Variants in ERO1A observed in about 807,000 individuals in gnomAD.
The protein encoded by ERO1A is endoplasmic reticulum oxidoreductase 1 alpha.
ERO1A carries 49 observed loss-of-function variants against 76.9 expected under a neutral mutation model. That is an observed-to-expected ratio of 0.64 (90% CI 0.51 to 0.81). ERO1A has a LOEUF of 0.81. ERO1A is among the 30% of genes least tolerant of loss of function. The probability of loss-of-function intolerance (pLI) is 0.00; values close to 1 mark genes in which losing one functional copy is unlikely to be tolerated. For synonymous variants in ERO1A, 174 were observed against 181.2 expected (o/e 0.96, Z 0.32); for missense variants, 448 against 542.1 (o/e 0.83, Z 1.72).
rs2040155173 is a variant in ERO1A at position 52,659,363 on chromosome 14, G to A, written c.689-1213C>T. Among the ~76,000 whole-genome samples, 3 of 152,124 alleles carry A rather than the reference G, an allele frequency of 2.0e-5. No individual in the cohort carries two copies. The South Asian group carries it at 6.2e-4, about 31-fold the overall frequency. On this transcript the variant is annotated intron_variant, in intron 9 of 15. Transcript: ENST00000395686. Reference sequence around the variant, plus strand: ...TAAAAATATGATCATCTTTAATGCTGACAAGTGTTGGACAAAACTACTTAT... The same window carrying A: ...TAAAAATATGATCATCTTTAATGCTAACAAGTGTTGGACAAAACTACTTAT...
chr14:52,643,064 A>C lies in ERO1A; in HGVS notation c.*506T>G, dbSNP rs1566632531. 1 of 152,232 alleles carries C rather than the reference A, an allele frequency of 6.6e-6. No individual in the cohort carries two copies. 9.4% of individuals were successfully genotyped at this position (152,232 alleles called of 1,614,324 possible). ...AAATATTCCATGTAAAATATTAAAA[A>C]ACTAATTGTTTATCTGAAATTCAAA... is the stretch of plus-strand genomic sequence containing the variant. On this transcript the variant is annotated 3_prime_UTR_variant, in exon 16 of 16. Coordinates refer to ENST00000395686, the MANE Select transcript of ERO1A (RefSeq NM_014584.3).
intron 4 of ERO1A, among the ~76,000 whole-genome samples, chr14:52,676,350 C>T (rs1040975277): frequency 6.6e-6 from 1 of 152,248 alleles, no homozygotes; most frequent in Non-Finnish European, 1.5e-5. Context: ...TAGGATTGCT[C>T]GGTTTCTATT....
intron 13 of ERO1A, 44 bp downstream of exon 13, chr14:52,652,195 G>C (rs749973915): frequency 8.7e-7 from 1 of 1,151,178 alleles, no homozygotes; most frequent in Non-Finnish European, 1.3e-6. Flanking sequence ...ATCTGCATAA[G>C]TGTTAATCAG....
Position 52,661,320 on chromosome 14 carries a change from A to G in ERO1A, c.677-16T>C. 7.1e-7 allele frequency: 1 copy of G among 1,401,520 alleles called. No homozygotes were observed. Among genetic ancestry groups the G allele is most frequent in the Non-Finnish European group, 9.5e-7 (1 of 1,052,286 alleles). The allele number at this position is 1,401,520 out of a possible 1,614,324, so 86.8% of individuals were successfully genotyped here. On this transcript the variant is annotated splice_polypyrimidine_tract_variant and intron_variant, in intron 8 of 15. Coordinates refer to ENST00000395686, the MANE Select transcript of ERO1A (RefSeq NM_014584.3). ...TCACTTGTCCCTGAAAAGCAAAACA[A>G]AATGTTTATTAAAATAAATTCCTTC...
At chr14:52,690,704 A>AG (rs1442343637) in intron 1 of ERO1A, among the ~76,000 whole-genome samples, 2 of 152,242 alleles carry the variant, frequency 1.3e-5, no homozygotes, top group Non-Finnish European at 2.9e-5. Flanking sequence ...CTGTCTCAAA[A>AG]GAAAAAAAAA....
chr14:52,647,662 T>C (rs28738689), intron 13 of ERO1A, among the ~76,000 whole-genome samples: 1,681 of 152,246 alleles, frequency 0.011, 35 homozygotes, highest in African/African-American at 0.038. Context: ...GTATATGTCC[T>C]TAAGGAATAT....
intron 6 of ERO1A, 54 bp downstream of exon 6, chr14:52,671,576 T>A (rs2040598743): frequency 7.5e-7 from 1 of 1,335,298 alleles, no homozygotes; most frequent in Non-Finnish European, 1.0e-6. Flanking sequence ...TTAAAAACTT[T>A]TTTTTTCTTA....
Position 52,646,373 on chromosome 14 carries a change from A to AC in ERO1A, c.1212+1dup. On this transcript the variant is annotated splice_donor_variant, in intron 14 of 15. Transcript: ENST00000395686. LOFTEE classifies it high-confidence loss of function. ...GAAATAGGAATGACTAAATTTGCTTACCTGAAGCTTTCCCCACAGACGACA... is the reference window on the plus strand; with the variant it reads ...GAAATAGGAATGACTAAATTTGCTTACCCTGAAGCTTTCCCCACAGACGACA... 1 of 1,610,028 alleles carries AC rather than the reference A, an allele frequency of 6.2e-7. No individual in the cohort carries two copies.
intron 6 of ERO1A, among the ~76,000 whole-genome samples, chr14:52,667,231 C>T (rs956319223): frequency 2.0e-5 from 3 of 152,052 alleles, no homozygotes; most frequent in Non-Finnish European, 4.4e-5. Context: ...CCAATCTGGC[C>T]AAAAGCAAAA....
intron 4 of ERO1A, among the ~76,000 whole-genome samples, chr14:52,672,703 G>A (rs2040643972): frequency 6.8e-6 from 1 of 147,918 alleles, no homozygotes; most frequent in Non-Finnish European, 1.5e-5. Flanking sequence ...CCAGGAGTTC[G>A]AGGTTACAGT....
intron 12 of ERO1A, among the ~76,000 whole-genome samples, 157 bp from the exon 13 acceptor site, chr14:52,652,465 A>C (rs1045881039): frequency 2.0e-5 from 3 of 152,120 alleles, no homozygotes; most frequent in Admixed American, 2.0e-4. Flanking sequence ...TCAAACCTCA[A>C]ATCTTGATTC....
At chr14:52,682,006 G>A (rs553746548) in intron 3 of ERO1A, among the ~76,000 whole-genome samples, 17 of 152,108 alleles carry the variant, frequency 1.1e-4, no homozygotes, top group Non-Finnish European at 2.1e-4. Flanking sequence ...TTCAAAATAG[G>A]TTTTATAAGT....
rs953238190 is a variant in ERO1A at position 52,692,797 on chromosome 14, T to A, written c.114+2571A>T. Among the ~76,000 whole-genome samples the A allele has an allele frequency of 3.9e-5, 6 of 151,970 alleles. 1 individual carries two copies. The South Asian group carries it at 8.3e-4, about 21-fold the overall frequency. On this transcript the variant is annotated intron_variant, in intron 1 of 15. Transcript: ENST00000395686. ...ATGATTTGCACCATTTATCTCCCCT[T>A]TTCTTTCTCCATTTTTTTTCTTTTC... is the stretch of plus-strand genomic sequence containing the variant.
At chr14:52,683,475 T>G (rs967291197) in intron 2 of ERO1A, among the ~76,000 whole-genome samples, 3 of 152,196 alleles carry the variant, frequency 2.0e-5, no homozygotes, top group African/African-American at 7.2e-5. Flanking sequence ...TATTTAATTA[T>G]TTTAATTAAT....
intron 6 of ERO1A, among the ~76,000 whole-genome samples, chr14:52,668,049 T>C (rs1326305946): frequency 1.3e-5 from 2 of 151,828 alleles, no homozygotes; most frequent in East Asian, 3.9e-4. Flanking sequence ...AGCAGTACAA[T>C]GACGGCATCT....
At chr14:52,651,989 C>CT (rs78451217) in intron 13 of ERO1A, among the ~76,000 whole-genome samples, 5,934 of 133,838 alleles carry the variant, frequency 0.044, 441 homozygotes, top group African/African-American at 0.15. Context: ...CTACTCTCTA[C>CT]TTTTTTTTTT....
chr14:52,672,799 A>C (rs2040652367), intron 4 of ERO1A, among the ~76,000 whole-genome samples: 1 of 150,966 alleles, frequency 6.6e-6, no homozygotes, highest in Non-Finnish European at 1.5e-5. Flanking sequence ...AAAAACAAAA[A>C]ACAAACAAAC....
intron 1 of ERO1A, among the ~76,000 whole-genome samples, chr14:52,689,836 T>G (rs1228628031): frequency 6.6e-6 from 1 of 152,216 alleles, no homozygotes; most frequent in South Asian, 2.1e-4. Context: ...ACAGCAATTT[T>G]GCAAGAACAA....
At chr14:52,683,959 G>C in intron 1 of ERO1A, 52 bp from the exon 2 acceptor site, 1 of 1,447,644 alleles carries the variant, frequency 6.9e-7, no homozygotes, top group South Asian at 1.5e-5. Context: ...ATGCAACAGG[G>C]TTCTTTTTCC....
Sources: allele counts gnomAD v4.1 joint callset (sites outside exome capture counted in the v4.1 genomes callset), GRCh38; gene constraint gnomAD v4.1.1; transcripts MANE v1.5; gene names NCBI Gene and HGNC (gene_info 2026-07-23, HGNC 2026-07-21).